Variants in DNAH5 observed in about 807,000 individuals in gnomAD.
DNAH5 encodes the protein axonemal beta dynein heavy chain 5.
Under a neutral mutation model 518.2 loss-of-function variants are expected in DNAH5, and 372 were observed. That is an observed-to-expected ratio of 0.72 (90% CI 0.66 to 0.78). The LOEUF is 0.78. Ranked by LOEUF, DNAH5 falls within the 30% of genes least tolerant of loss-of-function variation. The pLI is 0.00. For missense variants in DNAH5, 5,523 were observed against 5,687.0 expected (o/e 0.97, Z 0.93); for synonymous variants, 2,039 against 2,025.9 (o/e 1.01, Z -0.17).
At chr5:13,725,661 G>A (rs1025444356) in intron 70 of DNAH5, among the ~76,000 whole-genome samples, 1 of 151,860 alleles carries the variant, frequency 6.6e-6, no homozygotes, top group African/African-American at 2.4e-5. Flanking sequence ...CCTTTGTTGA[G>A]TATTTTTTTT....
chr5:13,865,714 C>A lies in DNAH5; in HGVS notation c.4309G>T (p.Val1437Leu). The change falls in exon 27 of 79, where the codon GTG becomes TTG. Residue 1437 changes from valine (V) to leucine (L), a missense_variant. Val to Leu is a conservative substitution (Grantham distance 32, BLOSUM62 1). Transcript: ENST00000265104. Reference sequence around the variant, plus strand: ...TCATTGTTAATTTTTTCAATATTCACCTCTGACCAAAGAATATCATAATAG... The same window carrying A: ...TCATTGTTAATTTTTTCAATATTCAACTCTGACCAAAGAATATCATAATAG... ...NSYYDILWSEVNIEKINNELL... is the reference protein window; with the variant it reads ...NSYYDILWSELNIEKINNELL... 2 of 1,604,564 alleles carry A rather than the reference C, an allele frequency of 1.2e-6. No individual in the cohort carries two copies. Among genetic ancestry groups the A allele is most frequent in the Non-Finnish European group, 1.7e-6 (2 of 1,171,394 alleles).
chr5:13,851,199 G>GA (rs1484667303), intron 30 of DNAH5, among the ~76,000 whole-genome samples: 2 of 151,942 alleles, frequency 1.3e-5, no homozygotes, highest in Admixed American at 6.6e-5. Context: ...TGTTTATGTA[G>GA]AAAAAATATT....
rs552167894 is a variant in DNAH5 at position 13,761,332 on chromosome 5, G to A, written c.10281+1390C>T. On this transcript the variant is annotated intron_variant, in intron 60 of 78. Transcript: ENST00000265104. Reference sequence around the variant, plus strand: ...TATGTGGCCGGGCACAGTGGCTCACGCCTGTAATCACAGCACTTTGGGAGG... The same window carrying A: ...TATGTGGCCGGGCACAGTGGCTCACACCTGTAATCACAGCACTTTGGGAGG... 1.1e-4 allele frequency among the ~76,000 whole-genome samples: 16 copies of A among 152,230 alleles called. 1 individual carries two copies. In the South Asian group the frequency reaches 2.9e-3, roughly 28 times the overall value.
intron 35 of DNAH5, among the ~76,000 whole-genome samples, chr5:13,835,628 A>G (rs1441336466): frequency 6.6e-6 from 1 of 152,168 alleles, no homozygotes; most frequent in South Asian, 2.1e-4. Context: ...CGAGGGCTAC[A>G]TGAATGACAC....
At chr5:14,009,638 T>C (rs1784980378) in intron 1 of DNAH5, among the ~76,000 whole-genome samples, 1 of 152,232 alleles carries the variant, frequency 6.6e-6, no homozygotes, top group African/African-American at 2.4e-5. Flanking sequence ...AATCATGCAG[T>C]ACAGGAAACA....
At chr5:13,813,038 G>C (rs1366443423) in intron 43 of DNAH5, among the ~76,000 whole-genome samples, 1 of 152,208 alleles carries the variant, frequency 6.6e-6, no homozygotes, top group Non-Finnish European at 1.5e-5. Flanking sequence ...GAAGCTGACA[G>C]ATTGTCAGCA....
chr5:13,922,222 C>G lies in DNAH5; in HGVS notation c.545G>C (p.Gly182Ala). ...FIPALRATSH[G>A]WGELEGLQDA... ...CTGAAGGCCCTCGAGCTCGCCCCAGCCATGGCTCGTGGCTCTGAGAGCAGG... is the reference window on the plus strand; with the variant it reads ...CTGAAGGCCCTCGAGCTCGCCCCAGGCATGGCTCGTGGCTCTGAGAGCAGG... The change falls in exon 5 of 79, where the codon GGC becomes GCC. Residue 182 changes from glycine (G) to alanine (A), a missense_variant. By Grantham distance (60) the Gly-to-Ala change is moderately conservative. Coordinates refer to ENST00000265104, the MANE Select transcript of DNAH5 (RefSeq NM_001369.3). The G allele has an allele frequency of 1.2e-6, 2 of 1,614,030 alleles. No homozygotes were observed. Among genetic ancestry groups the G allele is most frequent in the Non-Finnish European group, 1.7e-6 (2 of 1,179,984 alleles).
At chr5:13,978,085 G>A (rs1449953854) in intron 1 of DNAH5, among the ~76,000 whole-genome samples, 1 of 152,194 alleles carries the variant, frequency 6.6e-6, no homozygotes, top group African/African-American at 2.4e-5. Flanking sequence ...TCCCTATGGA[G>A]GGGAGAATAT....
Position 13,862,537 on chromosome 5 carries a change from G to T in DNAH5, c.4796+11C>A, listed in dbSNP as rs146696580. 918 of 1,612,716 alleles carry T rather than the reference G, an allele frequency of 5.7e-4. 5 individuals are homozygous for T. In the African/African-American group the frequency reaches 9.8e-3, roughly 17 times the overall value. ...CTCAAATCTAAGGGAAAAGATAGATGGTTTTCCCACCTGTTGCTCAGTAGG... is the reference window on the plus strand; with the variant it reads ...CTCAAATCTAAGGGAAAAGATAGATTGTTTTCCCACCTGTTGCTCAGTAGG... On this transcript the variant is annotated intron_variant, in intron 29 of 78. Transcript: ENST00000265104.
At chr5:13,796,878 G>A (rs1489974646) in intron 47 of DNAH5, among the ~76,000 whole-genome samples, 1 of 152,044 alleles carries the variant, frequency 6.6e-6, no homozygotes, top group Admixed American at 6.6e-5. Context: ...ACAGAACAGA[G>A]GCCTCAGAAA....
At chr5:13,926,603 T>C (rs1433277604) in intron 3 of DNAH5, among the ~76,000 whole-genome samples, 3 of 152,232 alleles carry the variant, frequency 2.0e-5, no homozygotes, top group Non-Finnish European at 2.9e-5. Flanking sequence ...GTTAAGGTTG[T>C]GTTTGTAATT....
intron 55 of DNAH5, among the ~76,000 whole-genome samples, chr5:13,774,988 C>T (rs1214383019): frequency 1.3e-5 from 2 of 152,228 alleles, no homozygotes; most frequent in Middle Eastern, 3.4e-3. Flanking sequence ...TAAACTTTAA[C>T]ATAGCTCTGA....
In DNAH5 at chr5:13,964,411, G is replaced by A. The variant is rs552810595; in HGVS notation, c.13-33167C>T. Among the ~76,000 whole-genome samples, 18 of 152,320 alleles carry A rather than the reference G, an allele frequency of 1.2e-4. No homozygotes were observed. In the South Asian group the frequency reaches 3.5e-3, roughly 30 times the overall value. On this transcript the variant is annotated intron_variant, in intron 1 of 78. Transcript: ENST00000681290. ...AGTGACTGGGTAAATGGCAAGAAAG[G>A]AGGTTATTGGAATGTTACTGAAAAG...
At chr5:13,850,183 A>G (rs1050583709) in intron 31 of DNAH5, among the ~76,000 whole-genome samples, 2 of 152,204 alleles carry the variant, frequency 1.3e-5, no homozygotes, top group African/African-American at 4.8e-5. Context: ...AAAAAAACAA[A>G]CAAAAAAACT....
chr5:13,785,247 C>T (rs1442923402), intron 52 of DNAH5, among the ~76,000 whole-genome samples: 8 of 151,660 alleles, frequency 5.3e-5, no homozygotes, highest in Admixed American at 1.3e-4. Context: ...CAACAGGGTT[C>T]GGGCTCCTAT....
At position 13,944,640 on chromosome 5, in the gene DNAH5, T is replaced by C. The variant is rs2152029331; in HGVS notation, c.-202A>G. 1.7e-6 allele frequency: 1 copy of C among 601,114 alleles called. No individual in the cohort carries two copies. Among genetic ancestry groups the C allele is most frequent in the East Asian group, 2.9e-5 (1 of 34,608 alleles). The allele number at this position is 601,114 out of a possible 1,614,324, so 37.2% of individuals were successfully genotyped here. On this transcript the variant is annotated 5_prime_UTR_variant, in exon 1 of 79. Transcript: ENST00000265104. ...ACTTATACCACTCAAGTTTTTCTCC[T>C]AGAGTGTCTGCCCTGGGCCTCTCCT...
intron 11 of DNAH5, 55 bp downstream of exon 11, chr5:13,913,688 A>G (rs932443079): frequency 6.3e-7 from 1 of 1,595,366 alleles, no homozygotes; most frequent in African/African-American, 1.3e-5. Context: ...TTTGCATAAA[A>G]TATTGAAGTT....
chr5:13,833,979 A>AG (rs1764034728), intron 35 of DNAH5, among the ~76,000 whole-genome samples: 3 of 152,240 alleles, frequency 2.0e-5, no homozygotes, highest in African/African-American at 2.4e-5. Context: ...AAGGGCTGAC[A>AG]ACATGTCAGT....
At chr5:13,709,217 A>G (rs1365441449) in intron 75 of DNAH5, among the ~76,000 whole-genome samples, 1 of 152,186 alleles carries the variant, frequency 6.6e-6, no homozygotes, top group Non-Finnish European at 1.5e-5. Flanking sequence ...AAGACACAAA[A>G]TGCTACAGGA....
Sources: allele counts gnomAD v4.1 joint callset (sites outside exome capture counted in the v4.1 genomes callset), GRCh38; gene constraint gnomAD v4.1.1; transcripts MANE v1.5; gene names NCBI Gene and HGNC (gene_info 2026-07-23, HGNC 2026-07-21).